Variants in TRPC5 observed in about 807,000 individuals in gnomAD.
TRPC5 encodes the protein transient receptor potential cation channel subfamily C member 5, also known as short transient receptor potential channel 5.
In TRPC5, 9 loss-of-function variants were observed where a neutral mutation model predicts 56.5. That is an observed-to-expected ratio of 0.16 (90% CI 0.10 to 0.28). TRPC5 has a LOEUF of 0.28. TRPC5 is among the 10% of genes least tolerant of loss of function. The pLI is 1.00. For missense variants in TRPC5, 469 were observed against 748.9 expected, an observed-to-expected ratio of 0.63 and a Z score of 4.36; for synonymous variants, 282 against 278.5, an observed-to-expected ratio of 1.01 and a Z score of -0.13.
rs781719084 is a variant in TRPC5 at position 111,906,262 on chromosome X, T to A, written c.900+6029A>T. Among the ~76,000 whole-genome samples, 455 of 104,496 alleles carry A rather than the reference T, an allele frequency of 4.4e-3. 1 individual carries two copies. Among genetic ancestry groups the A allele is most frequent in the Middle Eastern group, 0.011 (2 of 190 alleles). 90.7% of individuals were successfully genotyped at this position (104,496 alleles called of 115,157 possible). ...CCCAGCTACTCAGGAGGCTGAGGCA[T>A]GAGAATAGCTTGAACCTGGGAGGTG... On this transcript the variant is annotated intron_variant, in intron 3 of 10. Coordinates refer to ENST00000262839, the MANE Select transcript of TRPC5 (RefSeq NM_012471.3).
intron 7 of TRPC5, among the ~76,000 whole-genome samples, chrX:111,784,187 T>C (rs1235758032): frequency 8.9e-6 from 1 of 111,751 alleles, no homozygotes; most frequent in Non-Finnish European, 1.9e-5. Flanking sequence ...ATAAAAACTA[T>C]AAAACTCTAA....
At chrX:111,992,726 G>A (rs928129841) in intron 1 of TRPC5, among the ~76,000 whole-genome samples, 1 of 108,507 alleles carries the variant, frequency 9.2e-6, no homozygotes, top group Non-Finnish European at 1.9e-5. Context: ...CCTCAGCCTC[G>A]TGAGTAGCTG....
intron 1 of TRPC5, among the ~76,000 whole-genome samples, chrX:112,001,822 C>T (rs933583209): frequency 3.6e-5 from 4 of 112,246 alleles, no homozygotes; most frequent in Non-Finnish European, 7.5e-5. Context: ...GTTTTGTTCA[C>T]TGCTATATCC....
At chrX:111,955,011 C>A (rs993965566) in intron 1 of TRPC5, among the ~76,000 whole-genome samples, 2 of 112,017 alleles carry the variant, frequency 1.8e-5, no homozygotes, top group African/African-American at 6.5e-5. Flanking sequence ...AGGCAACAAG[C>A]AGTACCATTC....
In TRPC5 at chrX:111,776,615, G is replaced by A; in HGVS notation, c.2620C>T (p.Gln874Ter). Residue 874 changes from glutamine to a stop codon, truncating the protein, a stop_gained, in exon 11 of 11, where the codon CAG becomes TAG. Coordinates refer to ENST00000262839, the MANE Select transcript of TRPC5 (RefSeq NM_012471.3). LOFTEE classifies it high-confidence loss of function. ...CTGATGTCCTGCCACATACAGTGCT[G>A]CTGAACAATTCCATCAGAAATTGTG... ...MYTISDGIVQ[Q>*]HCMWQDIRYS... The A allele has an allele frequency of 8.3e-7, 1 of 1,211,902 alleles. No homozygotes were observed. Among genetic ancestry groups the A allele is most frequent in the Non-Finnish European group, 1.1e-6 (1 of 895,547 alleles).
At chrX:111,902,064 C>G in intron 3 of TRPC5, 1 of 1,154,883 alleles carries the variant, frequency 8.7e-7, no homozygotes, top group Non-Finnish European at 1.1e-6. Context: ...GACTTAGACT[C>G]AATACTTACA....
chrX:111,869,228 G>A (rs1223414889), intron 3 of TRPC5, among the ~76,000 whole-genome samples: 1 of 109,908 alleles, frequency 9.1e-6, no homozygotes, highest in Non-Finnish European at 1.9e-5. Flanking sequence ...TTTAGGTCCA[G>A]ATAATGATTG....
chrX:111,988,551 T>G (rs1483667844), intron 1 of TRPC5, among the ~76,000 whole-genome samples: 1 of 110,937 alleles, frequency 9.0e-6, no homozygotes, highest in Non-Finnish European at 1.9e-5. Context: ...GATTTTAGGC[T>G]GGTATTCAAA....
At chrX:111,809,330 T>C (rs1921624281) in intron 7 of TRPC5, among the ~76,000 whole-genome samples, 1 of 111,570 alleles carries the variant, frequency 9.0e-6, no homozygotes, top group South Asian at 3.8e-4. Flanking sequence ...CAGGTTCTGA[T>C]GGTTGGGATG....
intron 1 of TRPC5, among the ~76,000 whole-genome samples, chrX:112,031,872 T>TTA (rs1929594572): frequency 1.0e-5 from 1 of 96,828 alleles, no homozygotes. Context: ...TAATATTCCA[T>TTA]TGTATATATA....
intron 1 of TRPC5, among the ~76,000 whole-genome samples, chrX:112,034,146 A>G (rs1297691750): frequency 9.0e-6 from 1 of 111,492 alleles, no homozygotes; most frequent in African/African-American, 3.3e-5. Context: ...TTTGAGGATA[A>G]GGTTTTCCAT....
At position 111,933,036 on chromosome X, in the gene TRPC5, G is replaced by A. The variant is rs751127413; in HGVS notation, c.378+19007C>T. On this transcript the variant is annotated intron_variant, in intron 2 of 10. Coordinates refer to ENST00000262839, the MANE Select transcript of TRPC5 (RefSeq NM_012471.3). ...TCAAAGACTATTTATTTTCTGAAAC[G>A]TTCCTCACTTGAACTGCCCTATCTA... is the stretch of plus-strand genomic sequence containing the variant. Among the ~76,000 whole-genome samples the A allele has an allele frequency of 8.0e-5, 9 of 112,200 alleles. No individual in the cohort carries two copies. The South Asian group carries it at 3.3e-3, about 42-fold the overall frequency.
intron 1 of TRPC5, among the ~76,000 whole-genome samples, chrX:111,959,381 C>G (rs1436265497): frequency 9.0e-6 from 1 of 111,594 alleles, no homozygotes; most frequent in Non-Finnish European, 1.9e-5. Flanking sequence ...ATTTTAACCT[C>G]CATGGTAGCT....
chrX:112,028,803 G>T (rs1322110378), intron 1 of TRPC5, among the ~76,000 whole-genome samples: 5 of 111,598 alleles, frequency 4.5e-5, no homozygotes, highest in Admixed American at 2.8e-4. Flanking sequence ...TAATGGGATC[G>T]CTGGGTCAAA....
At chrX:112,055,356 A>C (rs979333108) in intron 1 of TRPC5, among the ~76,000 whole-genome samples, 1 of 111,855 alleles carries the variant, frequency 8.9e-6, no homozygotes, top group African/African-American at 3.2e-5. Flanking sequence ...ACTGATAAGA[A>C]GTAGGCGAAA....
chrX:111,942,763 A>T (rs775874910), intron 2 of TRPC5, among the ~76,000 whole-genome samples: 14 of 112,204 alleles, frequency 1.2e-4, no homozygotes, highest in African/African-American at 4.5e-4. Flanking sequence ...CATTGTTTTC[A>T]CCTAGAAGTT....
At chrX:111,818,867 G>A (rs1921944966) in intron 7 of TRPC5, among the ~76,000 whole-genome samples, 1 of 111,485 alleles carries the variant, frequency 9.0e-6, no homozygotes, top group African/African-American at 3.3e-5. Context: ...GCCTACTAAA[G>A]TGCTGGGATT....
chrX:111,870,348 G>A (rs771814850), intron 3 of TRPC5, among the ~76,000 whole-genome samples: 1 of 112,158 alleles, frequency 8.9e-6, no homozygotes, highest in Non-Finnish European at 1.9e-5. Flanking sequence ...CCAAAATTTA[G>A]CAAATAAAAA....
At chrX:111,811,356 T>C (rs1921699640) in intron 7 of TRPC5, among the ~76,000 whole-genome samples, 1 of 112,778 alleles carries the variant, frequency 8.9e-6, no homozygotes, top group Admixed American at 9.4e-5. Flanking sequence ...ATGCTCTTGA[T>C]GAGACCCTGA....
Sources: gnomAD v4.1 joint callset for allele counts (sites outside exome capture counted in the v4.1 genomes callset) on GRCh38, gnomAD v4.1.1 for gene constraint, MANE v1.5 for transcripts, NCBI Gene and HGNC (gene_info 2026-07-23, HGNC 2026-07-21) for gene names.